Variants in NEMP2 observed in about 807,000 individuals in gnomAD.
The protein encoded by NEMP2 is UPF0571 transmembrane protein.
NEMP2 carries 53 observed loss-of-function variants against 54.2 expected under a neutral mutation model. The ratio of observed to expected loss-of-function variants is 0.98; its 90% CI spans 0.78 to 1.23. The LOEUF (loss-of-function observed/expected upper bound fraction) is 1.23, where lower values mean the gene tolerates loss of function less well. NEMP2 is among the 50% of genes most tolerant of loss of function. The probability of loss-of-function intolerance (pLI) is 0.00; values close to 1 mark genes in which losing one functional copy is unlikely to be tolerated. For synonymous variants in NEMP2, 197 were observed against 190.3 expected, an observed-to-expected ratio of 1.04 and a Z score of -0.29; for missense variants, 455 against 511.3, an observed-to-expected ratio of 0.89 and a Z score of 1.06.
rs1399181632 is a variant in NEMP2, at chr2:190,530,020, T to C, written c.97+4539A>G. On this transcript the variant is annotated intron_variant, in intron 1 of 8. Coordinates refer to ENST00000409150, the MANE Select transcript of NEMP2 (RefSeq NM_001142645.2). This position sits in a 1 kb window ranked among gnomAD's most constrained non-coding sequence, Gnocchi z 4.6. ...GATCATCTTCTTGCCCCTCACTGGA[T>C]AGAGGAGGTCAGAAAGAATAGGTGG... Among the ~76,000 whole-genome samples the C allele has an allele frequency of 1.3e-5, 2 of 152,218 alleles. No homozygotes were observed. The highest frequency in any genetic ancestry group is 2.4e-5 in the African/African-American group (1 of 41,464).
At chr2:190,480,037 C>A in the NEMP2 span, among the ~76,000 whole-genome samples, 3 of 152,168 alleles carry the variant, frequency 2.0e-5, no homozygotes, top group Admixed American at 6.5e-5. Flanking sequence ...GTGGCATGCG[C>A]CTGTGGTCCC....
downstream of NEMP2, chr2:190,499,748 T>G: frequency 7.4e-7 from 1 of 1,355,588 alleles, no homozygotes; most frequent in East Asian, 3.6e-5. The surrounding 1 kb of genome is among the most constrained non-coding windows in gnomAD (Gnocchi z 6.0). Context: ...TACCAAGTAC[T>G]AACAGACATT....
At chr2:190,515,382 A>G (rs1460548754) in intron 6 of NEMP2, among the ~76,000 whole-genome samples, 1 of 152,234 alleles carries the variant, frequency 6.6e-6, no homozygotes, top group East Asian at 1.9e-4. Flanking sequence ...ACTGCTACGG[A>G]TTAAAAGCAA....
At chr2:190,536,790 C>G (rs2125367445), upstream of NEMP2, among the ~76,000 whole-genome samples, 1 of 152,318 alleles carries the variant, frequency 6.6e-6, no homozygotes, top group South Asian at 2.1e-4. Context: ...CTAGAGGAAT[C>G]TGAATGAAGC....
the NEMP2 span, among the ~76,000 whole-genome samples, chr2:190,642,109 G>C: frequency 6.6e-6 from 1 of 152,150 alleles, no homozygotes; most frequent in East Asian, 1.9e-4. This position sits in a 1 kb window ranked among gnomAD's most constrained non-coding sequence, Gnocchi z 4.1. Flanking sequence ...TGATTTCTAG[G>C]ATCCCACCTA....
chr2:190,596,740 T>C, the NEMP2 span, among the ~76,000 whole-genome samples: 1 of 152,192 alleles, frequency 6.6e-6, no homozygotes, highest in Admixed American at 6.5e-5. The surrounding 1 kb of genome is among the most constrained non-coding windows in gnomAD (Gnocchi z 5.1). Flanking sequence ...AATTCAACTC[T>C]TCTGATGAAA....
rs940072378 is a variant in NEMP2, at chr2:190,528,773, A to T, written c.98-3395T>A. Reference sequence around the variant, plus strand: ...GTTTTGCAATCAAATGCTCTCTTCAAATAAGGTTCTTTCCACTTGATCCTA... The same window carrying T: ...GTTTTGCAATCAAATGCTCTCTTCATATAAGGTTCTTTCCACTTGATCCTA... On this transcript the variant is annotated intron_variant, in intron 1 of 8. Coordinates refer to ENST00000409150, the MANE Select transcript of NEMP2 (RefSeq NM_001142645.2). The surrounding 1 kb of genome is among the most constrained non-coding windows in gnomAD (Gnocchi z 4.3). Among the ~76,000 whole-genome samples the T allele has an allele frequency of 6.6e-6, 1 of 152,202 alleles. No homozygotes were observed. The highest frequency in any genetic ancestry group is 2.4e-5 in the African/African-American group (1 of 41,458).
chr2:190,555,219 A>G, the NEMP2 span, among the ~76,000 whole-genome samples: 22 of 152,192 alleles, frequency 1.4e-4, no homozygotes, highest in Non-Finnish European at 5.9e-5. The surrounding 1 kb of genome is among the most constrained non-coding windows in gnomAD (Gnocchi z 4.8). Context: ...GGGAAAAACC[A>G]GTGCAAAAAA....
the NEMP2 span, among the ~76,000 whole-genome samples, chr2:190,565,087 A>T: frequency 6.6e-6 from 1 of 152,342 alleles, no homozygotes; most frequent in East Asian, 1.9e-4. Context: ...TGGAACAGTC[A>T]ACTACTCTTG....
the NEMP2 span, among the ~76,000 whole-genome samples, chr2:190,430,798 GC>G: frequency 1.3e-3 from 157 of 121,278 alleles, 2 homozygotes; most frequent in African/African-American, 4.9e-3. Context: ...GGGCAGAGGC[GC>G]CCCCCCCACC....
At chr2:190,483,444 G>A in the NEMP2 span, among the ~76,000 whole-genome samples, 1 of 152,070 alleles carries the variant, frequency 6.6e-6, no homozygotes, top group African/African-American at 2.4e-5. Flanking sequence ...TTTGGAAAAT[G>A]AAGAAAAAAT....
chr2:190,640,285 T>C, the NEMP2 span, among the ~76,000 whole-genome samples: 1 of 152,218 alleles, frequency 6.6e-6, no homozygotes, highest in Non-Finnish European at 1.5e-5. Flanking sequence ...GCTGAAATCA[T>C]ATGGACATGT....
chr2:190,628,998 A>G, the NEMP2 span, among the ~76,000 whole-genome samples: 1 of 152,216 alleles, frequency 6.6e-6, no homozygotes, highest in Non-Finnish European at 1.5e-5. This position sits in a 1 kb window ranked among gnomAD's most constrained non-coding sequence, Gnocchi z 4.1. Context: ...CTCAAACTCA[A>G]TTAAGAACCC....
Position 190,526,643 on chromosome 2 carries a change from T to C in NEMP2, c.98-1265A>G, listed in dbSNP as rs371183419. 1.7e-3 allele frequency among the ~76,000 whole-genome samples: 256 copies of C among 152,200 alleles called. 3 individuals are homozygous for C. The highest frequency in any genetic ancestry group is 6.8e-3 in the Middle Eastern group (2 of 294). ...CATTTTATCAAGGAAAACAAGAAGA[T>C]GATGTAAAGGTTTCTGATAAGCGGA... is the stretch of plus-strand genomic sequence containing the variant. On this transcript the variant is annotated intron_variant, in intron 1 of 8. Transcript: ENST00000409150.
chr2:190,519,029 G>A lies in NEMP2; in HGVS notation c.368C>T (p.Pro123Leu). The change falls in exon 3 of 9, where the codon CCA becomes CTA. Residue 123 changes from proline to leucine, a missense_variant. Pro to Leu is a moderately conservative substitution (Grantham distance 98). Coordinates refer to ENST00000409150, the MANE Select transcript of NEMP2 (RefSeq NM_001142645.2). This position sits in a 1 kb window ranked among gnomAD's most constrained non-coding sequence, Gnocchi z 5.4. Reference sequence around the variant, plus strand: ...AGAGAAGCACACAGTCTCCCTGTATGGATTGATGATTATGGTTATTTCGTT... The same window carrying A: ...AGAGAAGCACACAGTCTCCCTGTATAGATTGATGATTATGGTTATTTCGTT... The part of the protein sequence containing the change: ...ESNEITIIIN[P>L]YRETVCFSVE... The A allele has an allele frequency of 1.3e-6, 2 of 1,551,152 alleles. No individual in the cohort carries two copies. The highest frequency in any genetic ancestry group is 1.7e-6 in the Non-Finnish European group (2 of 1,146,874).
At chr2:190,567,752 T>C in the NEMP2 span, among the ~76,000 whole-genome samples, 1 of 152,124 alleles carries the variant, frequency 6.6e-6, no homozygotes, top group Non-Finnish European at 1.5e-5. This position sits in a 1 kb window ranked among gnomAD's most constrained non-coding sequence, Gnocchi z 4.0. Flanking sequence ...GGGTTCAAGT[T>C]ATTCTCCTGC....
rs1405646501 is a variant in NEMP2, at chr2:190,530,684, A to G, written c.97+3875T>C. ...GCTCGGTTTCAATCATGTCCAATGG[A>G]AACAGGAAACAGAGCCAGTTTGACT... On this transcript the variant is annotated intron_variant, in intron 1 of 8. Transcript: ENST00000409150. The surrounding 1 kb of genome is among the most constrained non-coding windows in gnomAD (Gnocchi z 4.6). Among the ~76,000 whole-genome samples, 2 of 152,232 alleles carry G rather than the reference A, an allele frequency of 1.3e-5. No individual in the cohort carries two copies. Among genetic ancestry groups the G allele is most frequent in the Admixed American group, 1.3e-4 (2 of 15,288 alleles).
upstream of NEMP2, among the ~76,000 whole-genome samples, chr2:190,536,709 G>A (rs1401394812): frequency 6.6e-6 from 1 of 152,182 alleles, no homozygotes; most frequent in Non-Finnish European, 1.5e-5. Flanking sequence ...TAAAAGCTGA[G>A]TGAGGGACAC....
Position 190,514,823 on chromosome 2 carries a change from T to G in NEMP2, c.728-145A>C. The G allele has an allele frequency of 1.4e-6, 1 of 726,526 alleles. No homozygotes were observed. Among genetic ancestry groups the G allele is most frequent in the East Asian group, 2.7e-5 (1 of 36,942 alleles). The allele number at this position is 726,526 out of a possible 1,614,324, so 45.0% of individuals were successfully genotyped here. A position where few individuals can be genotyped will look rare whatever the true frequency, so the allele number is the denominator to read the frequency against. On this transcript the variant is annotated intron_variant, in intron 6 of 8. Coordinates refer to ENST00000409150, the MANE Select transcript of NEMP2 (RefSeq NM_001142645.2). This position sits in a 1 kb window ranked among gnomAD's most constrained non-coding sequence, Gnocchi z 5.7. ...TACCCCATAAAGTAAGGTTGAAAAA[T>G]GCACATAGGGTGTTATTCCTTCCAT...
Sources: allele counts gnomAD v4.1 joint callset (sites outside exome capture counted in the v4.1 genomes callset), GRCh38; gene constraint gnomAD v4.1.1; non-coding constraint Gnocchi (gnomAD v3.1); transcripts MANE v1.5; gene names NCBI Gene and HGNC (gene_info 2026-07-23, HGNC 2026-07-21).